The following NIPSNAP3B variants were observed in gnomAD, a reference collection of about 807,000 sequenced individuals.
NIPSNAP3B encodes the protein nipsnap homolog 3B.
NIPSNAP3B carries 30 observed loss-of-function variants against 31.5 expected under a neutral mutation model. The ratio of observed to expected loss-of-function variants is 0.95; its 90% CI spans 0.71 to 1.29. The LOEUF (loss-of-function observed/expected upper bound fraction) is 1.29. NIPSNAP3B is among the 50% of genes most tolerant of loss of function. The pLI, the probability that NIPSNAP3B is intolerant of heterozygous loss-of-function variation, is 0.00. For missense variants in NIPSNAP3B, 269 were observed against 300.7 expected, an observed-to-expected ratio of 0.89 and a Z score of 0.78; for synonymous variants, 106 against 107.9, an observed-to-expected ratio of 0.98 and a Z score of 0.11.
rs908015085 is a variant in NIPSNAP3B, at chr9:104,774,398, C to G, written c.*1325C>G. Among the ~76,000 whole-genome samples the G allele has an allele frequency of 1.3e-5, 2 of 152,252 alleles. No homozygotes were observed. The highest frequency in any genetic ancestry group is 2.1e-4 in the South Asian group (1 of 4,824). ...TCAGCATTCTTTTCCATGCAGAGTT[C>G]AAAGAGGCCTAAGACATCTCACATT... On this transcript the variant is annotated 3_prime_UTR_variant, in exon 6 of 6. Transcript: ENST00000374762.
At chr9:104,784,794 C>T in the NIPSNAP3B span, among the ~76,000 whole-genome samples, 2 of 152,146 alleles carry the variant, frequency 1.3e-5, no homozygotes, top group Admixed American at 6.5e-5. Context: ...CAAGTGCGCA[C>T]CACCATGCCC....
At chr9:104,784,796 A>C in the NIPSNAP3B span, among the ~76,000 whole-genome samples, 1 of 152,114 alleles carries the variant, frequency 6.6e-6, no homozygotes, top group Non-Finnish European at 1.5e-5. Flanking sequence ...AGTGCGCACC[A>C]CCATGCCCAG....
chr9:104,772,795 G>A lies in NIPSNAP3B; in HGVS notation c.581-27G>A, dbSNP rs759525619. On this transcript the variant is annotated intron_variant, in intron 4 of 5. Coordinates refer to ENST00000374762, the MANE Select transcript of NIPSNAP3B (RefSeq NM_018376.4). The stretch of plus-strand genomic sequence containing the variant: ...TTATTTGCTATTGCCATATATTTCA[G>A]AAACTACTTGTGGTTTATTTCTGCA... 9.4e-6 allele frequency: 15 copies of A among 1,603,238 alleles called. No homozygotes were observed. The South Asian group carries it at 1.2e-4, about 13-fold the overall frequency.
chr9:104,786,665 T>C, the NIPSNAP3B span, among the ~76,000 whole-genome samples: 1 of 152,246 alleles, frequency 6.6e-6, no homozygotes, highest in Non-Finnish European at 1.5e-5. Context: ...ATGCACTGAC[T>C]TGGAATAATG....
downstream of NIPSNAP3B, among the ~76,000 whole-genome samples, chr9:104,779,768 C>CCTGT (rs2118818669): frequency 6.6e-6 from 1 of 152,224 alleles, no homozygotes; most frequent in South Asian, 2.1e-4. Context: ...GTGGCTCATG[C>CCTGT]CTGTAATCCC....
chr9:104,778,963 C>A (rs1202584624), downstream of NIPSNAP3B, among the ~76,000 whole-genome samples: 1 of 152,166 alleles, frequency 6.6e-6, no homozygotes, highest in Non-Finnish European at 1.5e-5. Context: ...AGTTCCACCC[C>A]CTGCCACTCT....
At chr9:104,765,935 T>C (rs1828081629) in intron 1 of NIPSNAP3B, among the ~76,000 whole-genome samples, 2 of 152,166 alleles carry the variant, frequency 1.3e-5, no homozygotes, top group Non-Finnish European at 2.9e-5. Flanking sequence ...TTTCAATGTG[T>C]GGAACTAATA....
At chr9:104,767,563 T>C (rs1167411851) in intron 2 of NIPSNAP3B, among the ~76,000 whole-genome samples, 6 of 152,108 alleles carry the variant, frequency 3.9e-5, no homozygotes, top group African/African-American at 1.4e-4. Flanking sequence ...CTCTTTAGTT[T>C]TTCCCTGTTA....
chr9:104,779,845 G>A (rs768547600), downstream of NIPSNAP3B, among the ~76,000 whole-genome samples: 2 of 151,928 alleles, frequency 1.3e-5, no homozygotes, highest in Admixed American at 6.6e-5. Context: ...CCTGGCCAAC[G>A]TATAGTGAAA....
At chr9:104,769,561 A>AT (rs1311361235) in intron 3 of NIPSNAP3B, among the ~76,000 whole-genome samples, 1 of 152,072 alleles carries the variant, frequency 6.6e-6, no homozygotes, top group East Asian at 1.9e-4. Flanking sequence ...AAAATGAAGT[A>AT]TTTTTCCATA....
chr9:104,788,923 A>T, the NIPSNAP3B span, among the ~76,000 whole-genome samples: 1 of 152,268 alleles, frequency 6.6e-6, no homozygotes, highest in East Asian at 1.9e-4. Context: ...CCTAGACTTC[A>T]CTCATATGCA....
At chr9:104,788,166 C>A in the NIPSNAP3B span, 3 of 1,291,318 alleles carry the variant, frequency 2.3e-6, no homozygotes, top group Non-Finnish European at 3.4e-6. Flanking sequence ...ATTCTATAAT[C>A]ATAACCTGAC....
At chr9:104,782,951 G>A in the NIPSNAP3B span, 3 of 152,488 alleles carry the variant, frequency 2.0e-5, no homozygotes, top group South Asian at 6.2e-4. Flanking sequence ...CATGGCACAG[G>A]AAGTGTACTG....
At position 104,774,843 on chromosome 9, in the gene NIPSNAP3B, A is replaced by G. The variant is rs982592475; in HGVS notation, c.*1770A>G. 6.6e-6 allele frequency among the ~76,000 whole-genome samples: 1 copy of G among 152,098 alleles called. No homozygotes were observed. The highest frequency in any genetic ancestry group is 2.4e-5 in the African/African-American group (1 of 41,396). ...ATATAATAGCATTGTATTTTTCTCT[A>G]TTTTATTCATTCTTTCATTCTCTTC... On this transcript the variant is annotated 3_prime_UTR_variant, in exon 6 of 6. Coordinates refer to ENST00000374762, the MANE Select transcript of NIPSNAP3B (RefSeq NM_018376.4).
rs776581790 is a variant in NIPSNAP3B, at chr9:104,766,456, C to T, written c.192C>T (p.Thr64=). The T allele has an allele frequency of 1.2e-6, 2 of 1,613,754 alleles. No individual in the cohort carries two copies. Among genetic ancestry groups the T allele is most frequent in the Non-Finnish European group, 1.7e-6 (2 of 1,179,760 alleles). Residue 64 remains threonine, a synonymous_variant, in exon 2 of 6, where the codon ACC becomes ACT. Coordinates refer to ENST00000374762, the MANE Select transcript of NIPSNAP3B (RefSeq NM_018376.4). ...ENLKKNIHLR[T]SYSELVGFWS... is the part of the protein sequence containing the mutation. ...TTAAGAAAAACATTCATCTTCGGAC[C>T]TCTTACTCTGAATTGGTTGGATTCT...
At chr9:104,788,490 G>A in the NIPSNAP3B span, 1 of 1,614,204 alleles carries the variant, frequency 6.2e-7, no homozygotes, top group Non-Finnish European at 8.5e-7. Context: ...TTCTCTCCCA[G>A]TCAACAGCTC....
the NIPSNAP3B span, chr9:104,788,292 A>G: frequency 4.5e-6 from 6 of 1,345,408 alleles, no homozygotes. Context: ...GAAAGCAGAT[A>G]CAAAGAACCA....
At chr9:104,764,395 C>T (rs1208595417) in intron 1 of NIPSNAP3B, 95 bp downstream of exon 1, 2 of 1,128,800 alleles carry the variant, frequency 1.8e-6, no homozygotes, top group Admixed American at 3.1e-5. Context: ...CAGGCGCTCC[C>T]AGACCTGGGG....
At chr9:104,766,629 A>C in intron 2 of NIPSNAP3B, 94 bp downstream of exon 2, 4 of 1,204,740 alleles carry the variant, frequency 3.3e-6, no homozygotes, top group Non-Finnish European at 4.8e-6. Context: ...TACCATAGAT[A>C]CATACAGGTT....
Sources: allele counts gnomAD v4.1 joint callset (sites outside exome capture counted in the v4.1 genomes callset), GRCh38; gene constraint gnomAD v4.1.1; transcripts MANE v1.5; gene names NCBI Gene and HGNC (gene_info 2026-07-23, HGNC 2026-07-21).